ERBB4: variants seen among roughly 807,000 people sequenced by gnomAD.
The protein encoded by ERBB4 is erb-b2 receptor tyrosine kinase 4.
Under a neutral mutation model 158.0 loss-of-function variants are expected in ERBB4, and 42 were observed. That is an observed-to-expected ratio of 0.27 (90% CI 0.21 to 0.34). The LOEUF (loss-of-function observed/expected upper bound fraction) is 0.34. ERBB4 is among the 10% of genes least tolerant of loss of function. The pLI is 1.00. For missense variants in ERBB4, 1,333 were observed against 1,624.1 expected (o/e 0.82, Z 3.08); for synonymous variants, 583 against 558.7 (o/e 1.04, Z -0.61).
At chr2:212,357,772 G>T (rs984262134) in intron 1 of ERBB4, among the ~76,000 whole-genome samples, 3 of 151,760 alleles carry the variant, frequency 2.0e-5, no homozygotes, top group African/African-American at 7.3e-5. Context: ...TCAGCCCCAC[G>T]GTCACTTGGT....
At chr2:212,295,349 G>A (rs895423042) in intron 1 of ERBB4, among the ~76,000 whole-genome samples, 4 of 152,018 alleles carry the variant, frequency 2.6e-5, no homozygotes, top group Admixed American at 1.3e-4. Context: ...CATATATGTT[G>A]ATCACACAGC....
chr2:212,184,130 A>G (rs1441375328), intron 1 of ERBB4, among the ~76,000 whole-genome samples: 1 of 152,096 alleles, frequency 6.6e-6, no homozygotes, highest in African/African-American at 2.4e-5. Flanking sequence ...TATGCGTCAC[A>G]GAGTAAGAAA....
chr2:211,713,743 G>T (rs2106088938), intron 7 of ERBB4, 95 bp from the exon 8 acceptor site: 1 of 742,562 alleles, frequency 1.3e-6, no homozygotes, highest in Non-Finnish European at 2.4e-6. Flanking sequence ...AAAATGATTA[G>T]CATCATTGAT....
chr2:211,698,226 T>C (rs1447170643), intron 12 of ERBB4, among the ~76,000 whole-genome samples: 1 of 150,810 alleles, frequency 6.6e-6, no homozygotes, highest in African/African-American at 2.4e-5. Flanking sequence ...GCAGGAGAAT[T>C]GCTTGAACCA....
At chr2:211,494,460 G>A (rs2065421028) in intron 20 of ERBB4, among the ~76,000 whole-genome samples, 1 of 152,046 alleles carries the variant, frequency 6.6e-6, no homozygotes, top group Non-Finnish European at 1.5e-5. Context: ...AAACTAATTT[G>A]AAATAATACA....
chr2:211,392,558 CCACACACACACA>C lies in ERBB4; in HGVS notation c.3136-4578_3136-4567del, dbSNP rs5838261. Among the ~76,000 whole-genome samples the C allele has an allele frequency of 8.9e-4, 125 of 141,010 alleles. 1 individual carries two copies. The highest frequency in any genetic ancestry group is 6.8e-3 in the South Asian group (29 of 4,234). The allele number at this position is 141,010 out of a possible 152,430, so 92.5% of individuals were successfully genotyped here. ...ACTTTTTTGAAAAAACTCTCTTACT[CCACACACACACA>C]CACACACACACACACACACACACAC... On this transcript the variant is annotated intron_variant, in intron 25 of 27. Coordinates refer to ENST00000342788, the MANE Select transcript of ERBB4 (RefSeq NM_005235.3).
intron 1 of ERBB4, among the ~76,000 whole-genome samples, chr2:212,245,114 A>C (rs1437696001): frequency 7.9e-5 from 12 of 152,172 alleles, no homozygotes; most frequent in Non-Finnish European, 1.0e-4. Flanking sequence ...CAGTGTGTAT[A>C]TTATCTTTTC....
intron 2 of ERBB4, among the ~76,000 whole-genome samples, chr2:212,039,937 A>G (rs909225017): frequency 1.3e-5 from 2 of 152,108 alleles, no homozygotes; most frequent in Non-Finnish European, 2.9e-5. Context: ...ATAACAAAAT[A>G]TATCCAAAGT....
intron 2 of ERBB4, among the ~76,000 whole-genome samples, chr2:212,053,447 C>T (rs2077459657): frequency 6.6e-6 from 1 of 152,008 alleles, no homozygotes; most frequent in Non-Finnish European, 1.5e-5. Context: ...ATAGTATGGG[C>T]CACAACTCTA....
Position 212,142,996 on chromosome 2 carries a change from T to G in ERBB4, c.83-18093A>C, listed in dbSNP as rs577071960. ...AATGTGACTTGTTAAAAGGAAACTT[T>G]TTGAAGAGTCATTTTAACAAAAGCA... On this transcript the variant is annotated intron_variant, in intron 1 of 27. Transcript: ENST00000342788. 3.3e-5 allele frequency among the ~76,000 whole-genome samples: 5 copies of G among 152,208 alleles called. No individual in the cohort carries two copies. In the South Asian group the frequency reaches 1.0e-3, roughly 32 times the overall value.
At chr2:212,271,336 C>T (rs1405270145) in intron 1 of ERBB4, among the ~76,000 whole-genome samples, 3 of 151,650 alleles carry the variant, frequency 2.0e-5, no homozygotes, top group Non-Finnish European at 4.4e-5. Flanking sequence ...AAAAGTGACA[C>T]TTAGGTTAGA....
At chr2:212,376,388 C>G (rs972966957) in intron 1 of ERBB4, among the ~76,000 whole-genome samples, 2 of 151,970 alleles carry the variant, frequency 1.3e-5, no homozygotes, top group African/African-American at 4.8e-5. Context: ...AGGCATTTTG[C>G]TTCTTGACTT....
chr2:211,824,792 T>C (rs2077061435), intron 3 of ERBB4, among the ~76,000 whole-genome samples: 1 of 152,024 alleles, frequency 6.6e-6, no homozygotes, highest in Admixed American at 6.6e-5. Context: ...TTATTTTTCC[T>C]ACTTTCAATG....
intron 20 of ERBB4, among the ~76,000 whole-genome samples, chr2:211,476,195 G>T (rs547882786): frequency 1.4e-4 from 22 of 152,064 alleles, no homozygotes; most frequent in Non-Finnish European, 2.9e-4. Flanking sequence ...ATGAGCAAAG[G>T]CTCTGAGCTT....
intron 20 of ERBB4, among the ~76,000 whole-genome samples, chr2:211,555,181 T>C (rs966344021): frequency 2.0e-5 from 3 of 151,980 alleles, no homozygotes; most frequent in African/African-American, 7.2e-5. Context: ...GGTGTTTAAG[T>C]CTGTGTTTTC....
intron 16 of ERBB4, among the ~76,000 whole-genome samples, chr2:211,635,761 T>C (rs1208334256): frequency 5.9e-5 from 9 of 152,284 alleles, no homozygotes; most frequent in East Asian, 5.8e-4. Flanking sequence ...GGTATTTTGA[T>C]GCATATTGCA....
At chr2:211,771,040 T>G (rs1037563923) in intron 4 of ERBB4, among the ~76,000 whole-genome samples, 1 of 152,208 alleles carries the variant, frequency 6.6e-6, no homozygotes, top group African/African-American at 2.4e-5. Context: ...CATATTAGGC[T>G]TTGCTAATCA....
At chr2:211,591,304 G>T (rs2125792446) in intron 19 of ERBB4, among the ~76,000 whole-genome samples, 1 of 152,256 alleles carries the variant, frequency 6.6e-6, no homozygotes, top group African/African-American at 2.4e-5. Context: ...ATTAGGGGAG[G>T]GGAGGACATT....
In ERBB4 at chr2:211,885,482, C is replaced by T. The variant is rs1309462217; in HGVS notation, c.421+61948G>A. 5.9e-5 allele frequency among the ~76,000 whole-genome samples: 9 copies of T among 151,618 alleles called. No homozygotes were observed. In the East Asian group the frequency reaches 1.5e-3, roughly 26 times the overall value. ...TTTTTTTTTTCTTTTTTAAGACAGG[C>T]TCTCACTCTGTCACCCAGGCTGGAG... On this transcript the variant is annotated intron_variant, in intron 3 of 27. Coordinates refer to ENST00000342788, the MANE Select transcript of ERBB4 (RefSeq NM_005235.3).
Sources: allele counts gnomAD v4.1 joint callset (sites outside exome capture counted in the v4.1 genomes callset), GRCh38; gene constraint gnomAD v4.1.1; transcripts MANE v1.5; gene names NCBI Gene and HGNC (gene_info 2026-07-23, HGNC 2026-07-21).